Variants in WWP1 observed in about 807,000 individuals in gnomAD.
The protein encoded by WWP1 is WW domain containing E3 ubiquitin protein ligase 1, also known as NEDD4-like E3 ubiquitin-protein ligase WWP1.
Under a neutral mutation model 130.6 loss-of-function variants are expected in WWP1, and 49 were observed. That is an observed-to-expected ratio of 0.38 (90% CI 0.30 to 0.48). The LOEUF is 0.48. WWP1 is among the 20% of genes least tolerant of loss of function. The probability of loss-of-function intolerance (pLI) is 0.99; values close to 1 mark genes in which losing one functional copy is unlikely to be tolerated. For synonymous variants in WWP1, 332 were observed against 367.8 expected (o/e 0.90, Z 1.11); for missense variants, 809 against 1,100.6 (o/e 0.74, Z 3.75).
chr8:86,466,076 A>G (rs1812094818), intron 24 of WWP1, among the ~76,000 whole-genome samples: 1 of 152,220 alleles, frequency 6.6e-6, no homozygotes, highest in African/African-American at 2.4e-5. Context: ...CTGCTACTGT[A>G]GGGACCAAAA....
Position 86,468,107 on chromosome 8 carries a change from C to T in WWP1, c.*1214C>T, listed in dbSNP as rs184622422. ...TTAATGCTACTTTTAGCAAACTGGG[C>T]TTCCTAATACAAAATTTTAAATTTC... On this transcript the variant is annotated 3_prime_UTR_variant, in exon 25 of 25. Transcript: ENST00000517970. 16 of 176,634 alleles carry T rather than the reference C, an allele frequency of 9.1e-5. No individual in the cohort carries two copies. The East Asian group carries it at 2.4e-3, about 26-fold the overall frequency. 10.9% of individuals were successfully genotyped at this position (176,634 alleles called of 1,614,324 possible).
chr8:86,430,773 T>A (rs1809894389), intron 12 of WWP1, 22 bp downstream of exon 12: 2 of 1,455,540 alleles, frequency 1.4e-6, no homozygotes, highest in Admixed American at 2.0e-5. Flanking sequence ...TTGCTAATGA[T>A]CTATAAGGGA....
chr8:86,355,536 G>A (rs993451691), intron 1 of WWP1, among the ~76,000 whole-genome samples: 3 of 152,180 alleles, frequency 2.0e-5, no homozygotes, highest in Admixed American at 6.5e-5. Context: ...TTATGGAAAT[G>A]TTTGTGTCAT....
rs1809552562 is a variant in WWP1, at chr8:86,425,246, A to G, written c.1085A>G (p.His362Arg). ...AGGTGGGAACAAAGAAAAGATCCTC[A>G]TGGTAGAACCTATTATGTGGATCAT... ...PSGWEQRKDP[H>R]GRTYYVDHNT... Residue 362 changes from histidine to arginine, a missense_variant, in exon 10 of 25, where the codon CAT (histidine) becomes CGT (arginine). Physicochemically the swap from His to Arg is conservative, Grantham distance 29. Around this residue, in one of 3 missense-constraint regions of WWP1, gnomAD observed 97 missense variants for 80.4 expected, o/e 1.21. Transcript: ENST00000517970. The G allele has an allele frequency of 8.7e-6, 14 of 1,611,608 alleles. No homozygotes were observed. The highest frequency in any genetic ancestry group is 1.2e-5 in the Non-Finnish European group (14 of 1,179,174).
At chr8:86,414,379 G>T (rs1402287016) in intron 9 of WWP1, among the ~76,000 whole-genome samples, 2 of 152,132 alleles carry the variant, frequency 1.3e-5, no homozygotes, top group African/African-American at 4.8e-5. Flanking sequence ...ATCCAGGGGA[G>T]AAATTAAGAG....
At chr8:86,450,163 C>T (rs1811097790) in intron 20 of WWP1, among the ~76,000 whole-genome samples, 1 of 152,054 alleles carries the variant, frequency 6.6e-6, no homozygotes, top group African/African-American at 2.4e-5. Context: ...AATTTACCCC[C>T]TTAGTGTCTC....
At position 86,424,853 on chromosome 8, in the gene WWP1, G is replaced by C. The variant is rs113850964; in HGVS notation, c.1062-370G>C. Among the ~76,000 whole-genome samples, 123 of 42,536 alleles carry C rather than the reference G, an allele frequency of 2.9e-3. 4 individuals are homozygous for C. The highest frequency in any genetic ancestry group is 7.5e-3 in the African/African-American group (72 of 9,648). The allele number at this position is 42,536 out of a possible 152,430, so 27.9% of individuals were successfully genotyped here. A position where few individuals can be genotyped will look rare whatever the true frequency, so the allele number is the denominator to read the frequency against. On this transcript the variant is annotated intron_variant, in intron 9 of 24. Coordinates refer to ENST00000517970, the MANE Select transcript of WWP1 (RefSeq NM_007013.4). ...GAGAGGGAGGGGGAGGGGAGGGGAG[G>C]GGGAGGGGGAGGGGAGGGGAGAGGG...
intron 5 of WWP1, among the ~76,000 whole-genome samples, chr8:86,388,024 G>A (rs1338882845): frequency 2.6e-5 from 4 of 152,104 alleles, no homozygotes; most frequent in African/African-American, 9.7e-5. Context: ...GAACTAAAGT[G>A]TTTAATTTTA....
intron 14 of WWP1, 34 bp from the exon 15 acceptor site, chr8:86,435,418 T>C (rs1252909578): frequency 6.2e-7 from 1 of 1,600,566 alleles, no homozygotes. Flanking sequence ...AACTTTATTA[T>C]GAGTTAATTT....
In WWP1 at chr8:86,382,245, T is replaced by A. The variant is rs143312824; in HGVS notation, c.334+616T>A. On this transcript the variant is annotated intron_variant, in intron 5 of 24. Coordinates refer to ENST00000517970, the MANE Select transcript of WWP1 (RefSeq NM_007013.4). ...ATAAATATTAAGTTTCCATGATACT[T>A]TTTCTAGACTGGGATTTTAAGGTAG... Among the ~76,000 whole-genome samples, 5 of 152,300 alleles carry A rather than the reference T, an allele frequency of 3.3e-5. No homozygotes were observed. The East Asian group carries it at 9.6e-4, about 29-fold the overall frequency.
At chr8:86,379,129 A>G (rs1327978923) in intron 3 of WWP1, among the ~76,000 whole-genome samples, 2 of 152,206 alleles carry the variant, frequency 1.3e-5, no homozygotes, top group African/African-American at 4.8e-5. Context: ...TACTGAGGAA[A>G]TATATGAGCA....
At position 86,468,302 on chromosome 8, in the gene WWP1, G is replaced by T. The variant is rs968442766; in HGVS notation, c.*1409G>T. 7.1e-6 allele frequency: 3 copies of T among 421,456 alleles called. No homozygotes were observed. Among genetic ancestry groups the T allele is most frequent in the Admixed American group, 6.1e-5 (2 of 32,580 alleles). 26.1% of individuals were successfully genotyped at this position (421,456 alleles called of 1,614,324 possible). ...CCAAAATTTTATTTTTCTACATATT[G>T]AGAGTGTGTTCTCCATTTTATTCAG... On this transcript the variant is annotated 3_prime_UTR_variant, in exon 25 of 25. Transcript: ENST00000517970.
At chr8:86,362,174 A>ATATATATC (rs1823694649) in intron 1 of WWP1, among the ~76,000 whole-genome samples, 1 of 115,388 alleles carries the variant, frequency 8.7e-6, no homozygotes, top group African/African-American at 3.6e-5. Flanking sequence ...ATATATATAT[A>ATATATATC]TATATATATA....
chr8:86,448,422 A>T lies in WWP1; in HGVS notation c.2182A>T (p.Met728Leu), dbSNP rs779014326. ...CGLEMYFSVDMEILGKVTSHD... is the reference protein window; with the variant it reads ...CGLEMYFSVDLEILGKVTSHD... The stretch of plus-strand genomic sequence containing the variant: ...CTTAGAAATGTACTTTTCTGTTGAC[A>T]TGGAGATTTTGGGAAAAGTTACTTC... Residue 728 changes from methionine (M) to leucine (L), a missense_variant, in exon 20 of 25, where the codon ATG (methionine) becomes TTG (leucine). Physicochemically the swap from Met to Leu is conservative, Grantham distance 15 (BLOSUM62 2). Around this residue, in one of 3 missense-constraint regions of WWP1, gnomAD observed 450 missense variants for 674.2 expected, o/e 0.67. Coordinates refer to ENST00000517970, the MANE Select transcript of WWP1 (RefSeq NM_007013.4). 17 of 1,613,720 alleles carry T rather than the reference A, an allele frequency of 1.1e-5. No homozygotes were observed. Among genetic ancestry groups the T allele is most frequent in the Non-Finnish European group, 1.4e-5 (16 of 1,179,880 alleles).
At chr8:86,400,287 G>A (rs1242649903) in intron 7 of WWP1, among the ~76,000 whole-genome samples, 2 of 151,832 alleles carry the variant, frequency 1.3e-5, no homozygotes, top group Non-Finnish European at 1.5e-5. Flanking sequence ...AGCTGAGATC[G>A]CGCCATTGCA....
At chr8:86,423,665 C>A (rs1376437162) in intron 9 of WWP1, among the ~76,000 whole-genome samples, 1 of 152,182 alleles carries the variant, frequency 6.6e-6, no homozygotes, top group Non-Finnish European at 1.5e-5. Flanking sequence ...TCTATCTTTT[C>A]CCCACATTTC....
chr8:86,451,098 A>T (rs963089481), intron 20 of WWP1, among the ~76,000 whole-genome samples: 1 of 151,144 alleles, frequency 6.6e-6, no homozygotes, highest in African/African-American at 2.4e-5. Flanking sequence ...TTAGCTGGGC[A>T]TGGTGGTGTG....
chr8:86,342,692 G>A lies in WWP1; in HGVS notation c.-353G>A, dbSNP rs913752937. ...AGGAAGGGAGGTGTGGGGTCGGCTG[G>A]GGGTGGCGCGTGGACGGGGTGGGGG... On this transcript the variant is annotated 5_prime_UTR_variant, in exon 1 of 25. Coordinates refer to ENST00000517970, the MANE Select transcript of WWP1 (RefSeq NM_007013.4). 176 of 330,256 alleles carry A rather than the reference G, an allele frequency of 5.3e-4. No homozygotes were observed. Among genetic ancestry groups the A allele is most frequent in the African/African-American group, 3.8e-3 (171 of 45,108 alleles). 20.5% of individuals were successfully genotyped at this position (330,256 alleles called of 1,614,324 possible). A position where few individuals can be genotyped will look rare whatever the true frequency, so the allele number is the denominator to read the frequency against.
intron 22 of WWP1, among the ~76,000 whole-genome samples, chr8:86,459,023 C>CTTTTTTTTTTTTTTTTTTTTTTT (rs71275853): frequency 2.8e-4 from 24 of 84,264 alleles, no homozygotes; most frequent in Middle Eastern, 0.011. Flanking sequence ...TTTCTTTTTT[C>CTTTTTTTTTTTTTTTTTTTTTTT]TTTTTTTTTT....
Sources: allele counts gnomAD v4.1 joint callset (sites outside exome capture counted in the v4.1 genomes callset), GRCh38; gene constraint gnomAD v4.1.1; regional missense constraint gnomAD v4.1.1; transcripts MANE v1.5; gene names NCBI Gene and HGNC (gene_info 2026-07-23, HGNC 2026-07-21).